The following DOCK3 variants were observed in gnomAD, a reference collection of about 807,000 sequenced individuals.
DOCK3 encodes the protein dedicator of cytokinesis protein 3.
DOCK3 carries 60 observed loss-of-function variants against 265.6 expected under a neutral mutation model. That is an observed-to-expected ratio of 0.23 (90% CI 0.18 to 0.28). The LOEUF (loss-of-function observed/expected upper bound fraction) is 0.28. Among genes scored for constraint, DOCK3 ranks in the 10% least tolerant of loss-of-function variants. The probability of loss-of-function intolerance (pLI) is 1.00; values close to 1 mark genes in which losing one functional copy is unlikely to be tolerated. For missense variants in DOCK3, 1,981 were observed against 2,594.3 expected (o/e 0.76, Z 5.14); for synonymous variants, 881 against 938.0 (o/e 0.94, Z 1.11).
intron 4 of DOCK3, among the ~76,000 whole-genome samples, chr3:50,919,029 A>G (rs910917466): frequency 1.3e-5 from 2 of 152,050 alleles, no homozygotes; most frequent in African/African-American, 2.4e-5. Context: ...TCCTTTCCCC[A>G]TTTCTTGTTT....
chr3:51,335,849 A>G (rs887629368), intron 35 of DOCK3, among the ~76,000 whole-genome samples: 2 of 152,114 alleles, frequency 1.3e-5, no homozygotes, highest in African/African-American at 4.8e-5. Context: ...AAAAGTAGCC[A>G]GGCATGGTGA....
chr3:51,367,533 A>G (rs1171469372), intron 49 of DOCK3, among the ~76,000 whole-genome samples: 2 of 152,170 alleles, frequency 1.3e-5, no homozygotes, highest in East Asian at 3.8e-4. Context: ...TCCTGTCATT[A>G]TGATGTTAGC....
chr3:51,369,387 C>T (rs2087504184), intron 49 of DOCK3, among the ~76,000 whole-genome samples: 1 of 152,056 alleles, frequency 6.6e-6, no homozygotes. Flanking sequence ...ATGAGAGTGA[C>T]GTGATGCATG....
At chr3:51,016,510 AT>A (rs1431917361) in intron 5 of DOCK3, among the ~76,000 whole-genome samples, 1 of 95,414 alleles carries the variant, frequency 1.0e-5, no homozygotes, top group Non-Finnish European at 1.8e-5. Context: ...CATAATATAT[AT>A]ATCATATATT....
intron 1 of DOCK3, among the ~76,000 whole-genome samples, chr3:50,701,004 A>G (rs2036000037): frequency 6.6e-6 from 1 of 152,086 alleles, no homozygotes; most frequent in African/African-American, 2.4e-5. Flanking sequence ...GGGTGAGATA[A>G]TAGCTAGTGG....
chr3:50,845,752 C>T (rs560941718), intron 3 of DOCK3, among the ~76,000 whole-genome samples: 25 of 152,018 alleles, frequency 1.6e-4, no homozygotes, highest in Non-Finnish European at 3.1e-4. Flanking sequence ...TCAAGAGAAT[C>T]GCTTGAACTT....
At chr3:50,716,783 T>A (rs2037141968) in intron 1 of DOCK3, among the ~76,000 whole-genome samples, 1 of 152,042 alleles carries the variant, frequency 6.6e-6, no homozygotes, top group Admixed American at 6.5e-5. Flanking sequence ...TTTTTTTAAA[T>A]TTGGATCTTA....
chr3:51,270,218 T>C (rs1241440280), intron 23 of DOCK3, among the ~76,000 whole-genome samples: 1 of 152,182 alleles, frequency 6.6e-6, no homozygotes, highest in Non-Finnish European at 1.5e-5. Context: ...ACATTTCCCA[T>C]CCTCTTGAAT....
intron 12 of DOCK3, among the ~76,000 whole-genome samples, chr3:51,195,663 C>T (rs2088245992): frequency 6.6e-6 from 1 of 152,100 alleles, no homozygotes; most frequent in African/African-American, 2.4e-5. Flanking sequence ...GGTGATCTGC[C>T]CGCCTCGGCC....
At chr3:51,369,154 C>T (rs573200918) in intron 49 of DOCK3, among the ~76,000 whole-genome samples, 2 of 152,348 alleles carry the variant, frequency 1.3e-5, no homozygotes, top group South Asian at 4.1e-4. Flanking sequence ...GAACGCAGCT[C>T]CTCGCCAGCA....
At chr3:51,229,297 G>A (rs1007592871) in intron 18 of DOCK3, among the ~76,000 whole-genome samples, 2 of 152,050 alleles carry the variant, frequency 1.3e-5, no homozygotes, top group East Asian at 1.9e-4. Flanking sequence ...CTAAAAATAC[G>A]AAAATTACCT....
intron 23 of DOCK3, among the ~76,000 whole-genome samples, chr3:51,265,084 A>G (rs1471018343): frequency 6.6e-6 from 1 of 152,172 alleles, no homozygotes; most frequent in Non-Finnish European, 1.5e-5. Flanking sequence ...CTCTGTGCAA[A>G]TAAACTAGAA....
At chr3:51,246,596 G>T in intron 21 of DOCK3, 130 bp from the exon 22 acceptor site, 1 of 799,470 alleles carries the variant, frequency 1.3e-6, no homozygotes, top group Non-Finnish European at 2.1e-6. Flanking sequence ...AAGCTGTAAT[G>T]GATCTATCAC....
intron 27 of DOCK3, among the ~76,000 whole-genome samples, chr3:51,308,896 C>G (rs1356152579): frequency 6.6e-6 from 1 of 151,616 alleles, no homozygotes; most frequent in Admixed American, 6.6e-5. Context: ...AGGGTCTCCT[C>G]ACTTCTCAGA....
At chr3:51,117,898 C>T (rs549704476) in intron 9 of DOCK3, among the ~76,000 whole-genome samples, 4 of 152,132 alleles carry the variant, frequency 2.6e-5, no homozygotes, top group South Asian at 2.1e-4. Flanking sequence ...TTAATCTTTT[C>T]GAGAAACCAG....
chr3:50,994,914 T>C (rs1199551803), intron 5 of DOCK3, among the ~76,000 whole-genome samples: 1 of 152,186 alleles, frequency 6.6e-6, no homozygotes, highest in African/African-American at 2.4e-5. Flanking sequence ...TAAAAGAAAG[T>C]AAGGATGAGA....
chr3:50,824,214 G>A (rs924962728), intron 2 of DOCK3, among the ~76,000 whole-genome samples: 1 of 152,132 alleles, frequency 6.6e-6, no homozygotes, highest in Non-Finnish European at 1.5e-5. Context: ...TATTTCTGAG[G>A]TTTTCTATTT....
intron 23 of DOCK3, among the ~76,000 whole-genome samples, chr3:51,270,196 A>G (rs2080424499): frequency 1.3e-5 from 2 of 152,208 alleles, no homozygotes; most frequent in African/African-American, 2.4e-5. Flanking sequence ...GTTTATGGCT[A>G]ACTAAATACA....
intron 5 of DOCK3, among the ~76,000 whole-genome samples, chr3:50,981,697 ACTTT>A (rs572583358): frequency 7.7e-4 from 117 of 152,204 alleles, no homozygotes; most frequent in African/African-American, 2.7e-3. Flanking sequence ...TTGTGTAATG[ACTTT>A]CTTTATCTCT....
Sources: gnomAD v4.1 joint callset for allele counts (sites outside exome capture counted in the v4.1 genomes callset) on GRCh38, gnomAD v4.1.1 for gene constraint, MANE v1.5 for transcripts, NCBI Gene and HGNC (gene_info 2026-07-23, HGNC 2026-07-21) for gene names.